MTUS1: variants seen among roughly 807,000 people sequenced by gnomAD.
The protein encoded by MTUS1 is microtubule associated scaffold protein 1.
MTUS1 carries 109 observed loss-of-function variants against 120.8 expected under a neutral mutation model. That is an observed-to-expected ratio of 0.90 (90% CI 0.77 to 1.06). MTUS1 has a LOEUF of 1.06. MTUS1 is among the 50% of genes least tolerant of loss of function. The pLI, the probability that MTUS1 is intolerant of heterozygous loss-of-function variation, is 0.00. For missense variants in MTUS1, 2,210 were observed against 1,486.3 expected, an observed-to-expected ratio of 1.49 and a Z score of -8.01; for synonymous variants, 737 against 550.5, an observed-to-expected ratio of 1.34 and a Z score of -4.74.
chr8:17,767,016 G>A (rs1353517579), intron 1 of MTUS1, among the ~76,000 whole-genome samples: 1 of 151,984 alleles, frequency 6.6e-6, no homozygotes, highest in Non-Finnish European at 1.5e-5. Context: ...TAATAAGACT[G>A]GCACAACCAT....
At chr8:17,785,470 G>A (rs527440660) in intron 1 of MTUS1, among the ~76,000 whole-genome samples, 1 of 152,156 alleles carries the variant, frequency 6.6e-6, no homozygotes, top group Non-Finnish European at 1.5e-5. Context: ...GACAGCATGG[G>A]GATGTCAGCT....
chr8:17,695,697 CTATTT>C (rs1446065962), intron 6 of MTUS1, among the ~76,000 whole-genome samples: 2 of 151,942 alleles, frequency 1.3e-5, no homozygotes, highest in Non-Finnish European at 2.9e-5. Flanking sequence ...TGTTACAGAA[CTATTT>C]TTTTTAATGA....
chr8:17,652,835 CAA>C (rs200107266), intron 12 of MTUS1, among the ~76,000 whole-genome samples: 12 of 129,944 alleles, frequency 9.2e-5, no homozygotes, highest in African/African-American at 8.4e-5. Context: ...GACTCCCTCT[CAA>C]AAAAAAAAAA....
intron 6 of MTUS1, chr8:17,706,311 G>A (rs1585836373): frequency 2.6e-5 from 4 of 152,162 alleles, no homozygotes; most frequent in Non-Finnish European, 5.9e-5. Flanking sequence ...CGAGAAATTT[G>A]AGACTTGGAG....
intron 8 of MTUS1, among the ~76,000 whole-genome samples, chr8:17,668,245 T>C (rs1811304325): frequency 2.0e-5 from 3 of 152,212 alleles, no homozygotes; most frequent in Admixed American, 2.0e-4. Context: ...CATCAGCTAT[T>C]TGCTAGTGTT....
In MTUS1 at chr8:17,643,924, A is replaced by C. The variant is rs1057210229; in HGVS notation, c.*2002T>G. The C allele has an allele frequency of 6.6e-6, 1 of 152,222 alleles. No homozygotes were observed. The highest frequency in any genetic ancestry group is 1.5e-5 in the Non-Finnish European group (1 of 68,030). The allele number at this position is 152,222 out of a possible 1,614,324, so 9.4% of individuals were successfully genotyped here. ...GACGTGCCAACATTTTGCATTCTACATGAAACATTTGGTTTAAACAAAATC... is the reference window on the plus strand; with the variant it reads ...GACGTGCCAACATTTTGCATTCTACCTGAAACATTTGGTTTAAACAAAATC... On this transcript the variant is annotated 3_prime_UTR_variant, in exon 15 of 15. Coordinates refer to ENST00000693296, the MANE Select transcript of MTUS1 (RefSeq NM_001363059.2).
At chr8:17,762,261 A>G (rs922642200) in intron 1 of MTUS1, among the ~76,000 whole-genome samples, 2 of 152,224 alleles carry the variant, frequency 1.3e-5, no homozygotes, top group Admixed American at 6.5e-5. Context: ...CCCAGGTGAC[A>G]GAGCAAGACT....
At chr8:17,720,298 T>C (rs962527120) in intron 4 of MTUS1, among the ~76,000 whole-genome samples, 6 of 150,426 alleles carry the variant, frequency 4.0e-5, no homozygotes, top group Non-Finnish European at 5.9e-5. Flanking sequence ...TGAGCTGAGA[T>C]CATGCCACTG....
chr8:17,724,467 A>G (rs2046077807), intron 3 of MTUS1, among the ~76,000 whole-genome samples: 1 of 152,106 alleles, frequency 6.6e-6, no homozygotes, highest in Non-Finnish European at 1.5e-5. Flanking sequence ...TTCTAACACC[A>G]GGTGGTGCTA....
At chr8:17,732,975 C>T (rs141713147) in intron 3 of MTUS1, among the ~76,000 whole-genome samples, 2 of 152,304 alleles carry the variant, frequency 1.3e-5, no homozygotes, top group African/African-American at 4.8e-5. Flanking sequence ...AATCTACTCC[C>T]AACACAACTC....
At chr8:17,704,853 G>T (rs1162852380) in intron 6 of MTUS1, among the ~76,000 whole-genome samples, 1 of 151,954 alleles carries the variant, frequency 6.6e-6, no homozygotes, top group African/African-American at 2.4e-5. Flanking sequence ...ATCTCTTTGG[G>T]TGGTATGTCC....
intron 7 of MTUS1, 138 bp downstream of exon 7, chr8:17,684,190 A>G: frequency 1.5e-6 from 1 of 660,820 alleles, no homozygotes; most frequent in Non-Finnish European, 2.7e-6. Context: ...GTGAAGTGAC[A>G]AAAATGTAAT....
intron 3 of MTUS1, among the ~76,000 whole-genome samples, chr8:17,725,607 T>A (rs532076472): frequency 2.6e-5 from 4 of 152,294 alleles, no homozygotes; most frequent in African/African-American, 9.6e-5. Context: ...AATCCTGTCC[T>A]TCCATCCCTT....
intron 1 of MTUS1, among the ~76,000 whole-genome samples, chr8:17,787,584 C>A (rs1320994095): frequency 6.6e-6 from 1 of 152,206 alleles, no homozygotes; most frequent in Non-Finnish European, 1.5e-5. Context: ...AGCTCCTAAA[C>A]TGACTCAGGA....
chr8:17,757,178 T>C (rs1253284979), intron 1 of MTUS1, among the ~76,000 whole-genome samples: 2 of 152,102 alleles, frequency 1.3e-5, no homozygotes, highest in East Asian at 1.9e-4. Context: ...GAAAGCAAAA[T>C]GTACTCTTAT....
intron 7 of MTUS1, among the ~76,000 whole-genome samples, chr8:17,683,196 C>T (rs891881551): frequency 2.0e-5 from 3 of 152,058 alleles, no homozygotes; most frequent in African/African-American, 7.2e-5. Flanking sequence ...GGCATGAACC[C>T]GGGAGATAGA....
rs796436436 is a variant in MTUS1, at chr8:17,769,535, G to C, written c.-154-13574C>G. On this transcript the variant is annotated intron_variant, in intron 1 of 14. Transcript: ENST00000693296. The stretch of plus-strand genomic sequence containing the variant: ...GATAATTTTTTGTATTTTTAGTAGA[G>C]ACGGGATTTCACCGCGTTAGCCAGG... 2.7e-4 allele frequency among the ~76,000 whole-genome samples: 41 copies of C among 151,054 alleles called. 1 individual carries two copies. The highest frequency in any genetic ancestry group is 9.3e-4 in the African/African-American group (38 of 40,854).
At chr8:17,656,790 G>A (rs1025967579) in intron 8 of MTUS1, among the ~76,000 whole-genome samples, 16 of 151,708 alleles carry the variant, frequency 1.1e-4, no homozygotes, top group Non-Finnish European at 1.9e-4. Context: ...CAAGTGGACC[G>A]GCCGGGCGCG....
intron 1 of MTUS1, chr8:17,780,920 G>C (rs971005590): frequency 2.6e-5 from 4 of 152,154 alleles, no homozygotes; most frequent in Admixed American, 2.6e-4. Context: ...AGGTAAGGGA[G>C]TGCTCACTGC....
Sources: allele counts gnomAD v4.1 joint callset (sites outside exome capture counted in the v4.1 genomes callset), GRCh38; gene constraint gnomAD v4.1.1; transcripts MANE v1.5; gene names NCBI Gene and HGNC (gene_info 2026-07-23, HGNC 2026-07-21).